The following KCNIP1 variants were observed in gnomAD, a reference collection of about 807,000 sequenced individuals.
KCNIP1 encodes potassium voltage-gated channel interacting protein 1, also known as A-type potassium channel modulatory protein KCNIP1.
KCNIP1 carries 18 observed loss-of-function variants against 33.0 expected under a neutral mutation model. The ratio of observed to expected loss-of-function variants is 0.55; its 90% confidence interval spans 0.38 to 0.81. The LOEUF (loss-of-function observed/expected upper bound fraction) is 0.81. Ranked by LOEUF, KCNIP1 falls within the 30% of genes least tolerant of loss-of-function variation. KCNIP1 has a pLI of 0.00. For synonymous variants in KCNIP1, 93 were observed against 98.3 expected (o/e 0.95, Z 0.32); for missense variants, 238 against 271.6 (o/e 0.88, Z 0.87).
intron 1 of KCNIP1, among the ~76,000 whole-genome samples, chr5:170,620,349 C>T (rs559292902): frequency 3.3e-5 from 5 of 152,300 alleles, no homozygotes; most frequent in South Asian, 2.1e-4. Flanking sequence ...ATCATTAGTA[C>T]AGGAAAGGCA....
upstream of KCNIP1, among the ~76,000 whole-genome samples, chr5:170,502,635 A>G (rs1392417338): frequency 6.6e-6 from 1 of 152,114 alleles, no homozygotes; most frequent in Admixed American, 6.5e-5. Flanking sequence ...GGACTTAAGG[A>G]CCTGCGCCCA....
At chr5:170,358,039 T>C (rs1763394303) in intron 1 of KCNIP1, among the ~76,000 whole-genome samples, 1 of 152,164 alleles carries the variant, frequency 6.6e-6, no homozygotes. Context: ...GTCTTCCTCT[T>C]TCTGCACAGT....
intron 1 of KCNIP1, among the ~76,000 whole-genome samples, chr5:170,707,508 C>T (rs993588563): frequency 2.0e-5 from 3 of 152,206 alleles, no homozygotes; most frequent in Non-Finnish European, 4.4e-5. Context: ...AGAATTATGA[C>T]TTACGTCACA....
At chr5:170,378,824 G>C (rs145466654) in intron 1 of KCNIP1, 1 of 1,614,240 alleles carries the variant, frequency 6.2e-7, no homozygotes, top group Admixed American at 1.7e-5. Context: ...CCTGGGGCCC[G>C]TAGAGGCGCT....
chr5:170,505,054 T>G (rs1005260142), intron 1 of KCNIP1, among the ~76,000 whole-genome samples: 1 of 152,126 alleles, frequency 6.6e-6, no homozygotes, highest in African/African-American at 2.4e-5. Flanking sequence ...CTATGCCAGG[T>G]GCAGACCTGC....
chr5:170,556,848 C>G (rs1756864009), intron 1 of KCNIP1, among the ~76,000 whole-genome samples: 1 of 152,228 alleles, frequency 6.6e-6, no homozygotes, highest in South Asian at 2.1e-4. Context: ...GCAGTCAGCT[C>G]TAGCTGCCAC....
intron 1 of KCNIP1, among the ~76,000 whole-genome samples, chr5:170,530,569 C>T (rs1452776384): frequency 6.6e-6 from 1 of 152,218 alleles, no homozygotes; most frequent in African/African-American, 2.4e-5. Context: ...ATCTTGCCAA[C>T]CTTGGGGCTC....
chr5:170,383,496 A>G (rs1764336334), intron 1 of KCNIP1: 3 of 684,688 alleles, frequency 4.4e-6, no homozygotes, highest in Admixed American at 4.5e-5. Flanking sequence ...TTAGCGGCAG[A>G]TTCAAACCCA....
At chr5:170,616,099 A>C (rs913873361) in intron 1 of KCNIP1, among the ~76,000 whole-genome samples, 4 of 152,116 alleles carry the variant, frequency 2.6e-5, no homozygotes, top group Non-Finnish European at 5.9e-5. Context: ...TTGGATTCAA[A>C]TCCTGGCTTT....
chr5:170,619,478 T>C (rs1759520582), intron 1 of KCNIP1, among the ~76,000 whole-genome samples: 1 of 152,186 alleles, frequency 6.6e-6, no homozygotes, highest in East Asian at 1.9e-4. Context: ...TAAGGAGGTC[T>C]GCTAGATTGG....
At chr5:170,721,043 GCCT>G (rs1763801930) in intron 3 of KCNIP1, among the ~76,000 whole-genome samples, 1 of 152,208 alleles carries the variant, frequency 6.6e-6, no homozygotes, top group African/African-American at 2.4e-5. Flanking sequence ...TCCTCCTGTG[GCCT>G]CCATGTGTCA....
intron 1 of KCNIP1, among the ~76,000 whole-genome samples, chr5:170,515,006 A>T (rs1755071214): frequency 6.6e-6 from 1 of 152,174 alleles, no homozygotes; most frequent in Non-Finnish European, 1.5e-5. Flanking sequence ...ATCTCACACT[A>T]TGAGAGACAG....
intron 1 of KCNIP1, chr5:170,420,543 A>T (rs979061912): frequency 1.1e-4 from 16 of 151,796 alleles, no homozygotes; most frequent in Non-Finnish European, 1.3e-4. Context: ...CAAAAAAAAA[A>T]AAAATAAAAA....
At chr5:170,621,264 A>G (rs1759590940) in intron 1 of KCNIP1, among the ~76,000 whole-genome samples, 1 of 152,212 alleles carries the variant, frequency 6.6e-6, no homozygotes, top group Non-Finnish European at 1.5e-5. Flanking sequence ...TAGGCATTTG[A>G]TCAATGGCAG....
At chr5:170,402,132 T>G (rs1754920061) in intron 1 of KCNIP1, among the ~76,000 whole-genome samples, 1 of 152,164 alleles carries the variant, frequency 6.6e-6, no homozygotes, top group Non-Finnish European at 1.5e-5. Flanking sequence ...CTGTCTCTGA[T>G]AAAGATACTT....
intron 3 of KCNIP1, among the ~76,000 whole-genome samples, chr5:170,721,249 C>G (rs548514272): frequency 1.2e-4 from 19 of 152,274 alleles, no homozygotes; most frequent in African/African-American, 4.1e-4. Context: ...GCAGTTTTGT[C>G]CCATGCAGGC....
intron 1 of KCNIP1, among the ~76,000 whole-genome samples, chr5:170,651,025 G>T (rs1472251498): frequency 2.6e-5 from 4 of 152,200 alleles, no homozygotes; most frequent in Non-Finnish European, 5.9e-5. Context: ...TTCAGATAAG[G>T]GGAAATTTAG....
intron 1 of KCNIP1, among the ~76,000 whole-genome samples, chr5:170,573,494 A>G (rs960344640): frequency 6.6e-5 from 10 of 152,130 alleles, no homozygotes; most frequent in Admixed American, 2.6e-4. Flanking sequence ...GTAAACATCA[A>G]TTTACTATTT....
At chr5:170,643,117 CAG>C (rs1480668048) in intron 1 of KCNIP1, among the ~76,000 whole-genome samples, 2 of 152,138 alleles carry the variant, frequency 1.3e-5, no homozygotes, top group African/African-American at 4.8e-5. Flanking sequence ...AAGAGGAAGA[CAG>C]AGATTTTGCT....
Sources: gnomAD v4.1 joint callset for allele counts (sites outside exome capture counted in the v4.1 genomes callset) on GRCh38, gnomAD v4.1.1 for gene constraint, MANE v1.5 for transcripts, NCBI Gene and HGNC (gene_info 2026-07-23, HGNC 2026-07-21) for gene names.